The following PPFIA2 variants were observed in gnomAD, a reference collection of about 807,000 sequenced individuals.
PPFIA2 encodes the protein liprin-alpha-2.
Under a neutral mutation model 175.5 loss-of-function variants are expected in PPFIA2, and 46 were observed. The ratio of observed to expected loss-of-function variants is 0.26; its 90% CI spans 0.21 to 0.34. The LOEUF (loss-of-function observed/expected upper bound fraction) is 0.34, where lower values mean the gene tolerates loss of function less well. Ranked by LOEUF, PPFIA2 falls within the 10% of genes least tolerant of loss-of-function variation. The pLI, the probability that PPFIA2 is intolerant of heterozygous loss-of-function variation, is 1.00. For missense variants in PPFIA2, 1,179 were observed against 1,506.1 expected (o/e 0.78, Z 3.60); for synonymous variants, 568 against 511.4 (o/e 1.11, Z -1.49).
At chr12:81,454,270 G>C (rs1237022838) in intron 5 of PPFIA2, among the ~76,000 whole-genome samples, 1 of 152,036 alleles carries the variant, frequency 6.6e-6, no homozygotes, top group Admixed American at 6.6e-5. Flanking sequence ...ATTCTTCTTT[G>C]AACATAATAC....
chr12:81,553,212 G>A (rs1192469720), intron 4 of PPFIA2, among the ~76,000 whole-genome samples: 8 of 151,580 alleles, frequency 5.3e-5, no homozygotes, highest in Non-Finnish European at 8.8e-5. Flanking sequence ...GATAAATAAG[G>A]GAAATAAATT....
At chr12:81,286,415 A>T in intron 24 of PPFIA2, among the ~76,000 whole-genome samples, 1 of 151,996 alleles carries the variant, frequency 6.6e-6, no homozygotes, top group East Asian at 1.9e-4. Context: ...TATCTTTTAT[A>T]CTATATTTTT....
At chr12:81,506,964 G>A (rs2061240415) in intron 4 of PPFIA2, among the ~76,000 whole-genome samples, 1 of 152,180 alleles carries the variant, frequency 6.6e-6, no homozygotes, top group East Asian at 1.9e-4. Flanking sequence ...AAGAGAATAA[G>A]TCCTAATGCT....
intron 4 of PPFIA2, among the ~76,000 whole-genome samples, chr12:81,631,897 C>T (rs377611940): frequency 1.3e-5 from 2 of 152,236 alleles, no homozygotes; most frequent in South Asian, 4.1e-4. Flanking sequence ...CTTGGCATGG[C>T]ATCTGGCACA....
At chr12:81,426,849 A>C (rs921022584) in intron 7 of PPFIA2, among the ~76,000 whole-genome samples, 1 of 152,042 alleles carries the variant, frequency 6.6e-6, no homozygotes, top group African/African-American at 2.4e-5. Flanking sequence ...TATATTTAAA[A>C]CATAGTGGCC....
chr12:81,619,714 A>G (rs1183644062), intron 4 of PPFIA2, among the ~76,000 whole-genome samples: 1 of 152,238 alleles, frequency 6.6e-6, no homozygotes. Context: ...CCAGTTAGAT[A>G]AAATGCAAAC....
In PPFIA2 at chr12:81,286,454, T is replaced by G. The variant is rs188571587; in HGVS notation, c.2926-2151A>C. Reference sequence around the variant, plus strand: ...GTACCTTTTCTATGTTTAGACATATTTGGATACACAAATACTTACCACAGT... The same window carrying G: ...GTACCTTTTCTATGTTTAGACATATGTGGATACACAAATACTTACCACAGT... On this transcript the variant is annotated intron_variant, in intron 24 of 32. Coordinates refer to ENST00000549396, the MANE Select transcript of PPFIA2 (RefSeq NM_003625.5). 2.4e-4 allele frequency among the ~76,000 whole-genome samples: 36 copies of G among 152,156 alleles called. No homozygotes were observed. In the East Asian group the frequency reaches 6.8e-3, roughly 29 times the overall value.
At chr12:81,315,060 T>C (rs1165853007) in intron 22 of PPFIA2, among the ~76,000 whole-genome samples, 1 of 151,764 alleles carries the variant, frequency 6.6e-6, no homozygotes, top group Non-Finnish European at 1.5e-5. Context: ...AGTGTATATT[T>C]GGCATCAAGC....
At chr12:81,509,473 G>A (rs994800401) in intron 4 of PPFIA2, among the ~76,000 whole-genome samples, 1 of 152,094 alleles carries the variant, frequency 6.6e-6, no homozygotes, top group Non-Finnish European at 1.5e-5. Context: ...TTTATATAGG[G>A]TCTTTTCTCT....
chr12:81,275,367 C>T (rs564275179), intron 28 of PPFIA2, among the ~76,000 whole-genome samples: 1 of 152,308 alleles, frequency 6.6e-6, no homozygotes, highest in East Asian at 1.9e-4. Flanking sequence ...ACGTAGAAAA[C>T]TATTTTTAAC....
At chr12:81,685,572 A>G (rs916654024) in intron 3 of PPFIA2, among the ~76,000 whole-genome samples, 3 of 152,032 alleles carry the variant, frequency 2.0e-5, no homozygotes, top group Admixed American at 1.3e-4. Flanking sequence ...GGAGGACACA[A>G]TGAGGAGTAA....
chr12:81,449,531 G>C (rs1429736827), intron 5 of PPFIA2, among the ~76,000 whole-genome samples: 2 of 149,156 alleles, frequency 1.3e-5, no homozygotes, highest in East Asian at 3.9e-4. Context: ...ACAGTGAAAA[G>C]AGTAATGCAA....
rs566525162 is a variant in PPFIA2, at chr12:81,748,632, C to G, written c.249+5341G>C. Among the ~76,000 whole-genome samples, 27 of 144,802 alleles carry G rather than the reference C, an allele frequency of 1.9e-4. 4 individuals carry two copies. The highest frequency in any genetic ancestry group is 5.1e-4 in the African/African-American group (21 of 41,246). 95.0% of individuals were successfully genotyped at this position (144,802 alleles called of 152,430 possible). On this transcript the variant is annotated intron_variant, in intron 3 of 32. Transcript: ENST00000549396. ...ACATAAAGCTGACACAGCCAACCTTCAGCTAGCCAGTGACATAAAGTTAGT... is the reference window on the plus strand; with the variant it reads ...ACATAAAGCTGACACAGCCAACCTTGAGCTAGCCAGTGACATAAAGTTAGT...
At chr12:81,360,483 C>T (rs1321911706) in intron 15 of PPFIA2, among the ~76,000 whole-genome samples, 2 of 151,700 alleles carry the variant, frequency 1.3e-5, no homozygotes, top group African/African-American at 2.4e-5. Flanking sequence ...TTTCCAATTA[C>T]CCAGAGTCTA....
intron 4 of PPFIA2, among the ~76,000 whole-genome samples, chr12:81,484,747 T>G (rs1019314560): frequency 1.3e-5 from 2 of 152,002 alleles, no homozygotes; most frequent in Non-Finnish European, 2.9e-5. Context: ...ATATGTTAAA[T>G]ATCTTTCATT....
chr12:81,655,213 G>T lies in PPFIA2; in HGVS notation c.303+21578C>A, dbSNP rs185686592. Among the ~76,000 whole-genome samples, 657 of 151,696 alleles carry T rather than the reference G, an allele frequency of 4.3e-3. 6 individuals are homozygous for T. The highest frequency in any genetic ancestry group is 0.015 in the African/African-American group (619 of 41,442). ...TCTCACTTGTTTATTTGATGAACCCGCCAGAGAGTTGTCAATGTTAATTTT... is the reference window on the plus strand; with the variant it reads ...TCTCACTTGTTTATTTGATGAACCCTCCAGAGAGTTGTCAATGTTAATTTT... On this transcript the variant is annotated intron_variant, in intron 4 of 32. Coordinates refer to ENST00000549396, the MANE Select transcript of PPFIA2 (RefSeq NM_003625.5).
At chr12:81,273,472 G>C (rs1430994906) in intron 28 of PPFIA2, among the ~76,000 whole-genome samples, 1 of 152,058 alleles carries the variant, frequency 6.6e-6, no homozygotes, top group African/African-American at 2.4e-5. Flanking sequence ...TTTTCAAATA[G>C]CTCTTTATTA....
intron 4 of PPFIA2, among the ~76,000 whole-genome samples, chr12:81,544,381 G>A (rs12309082): frequency 0.31 from 47,147 of 151,976 alleles, 7,573 homozygotes; most frequent in African/African-American, 0.38. Context: ...TCTTAATGGA[G>A]TGATAGTGTA....
chr12:81,278,977 G>A (rs935692027), intron 27 of PPFIA2, among the ~76,000 whole-genome samples: 26 of 152,154 alleles, frequency 1.7e-4, no homozygotes. Context: ...AATTGCATTA[G>A]GCAGGTGTTG....
Sources: allele counts gnomAD v4.1 joint callset (sites outside exome capture counted in the v4.1 genomes callset), GRCh38; gene constraint gnomAD v4.1.1; transcripts MANE v1.5; gene names NCBI Gene and HGNC (gene_info 2026-07-23, HGNC 2026-07-21).